CTIF: variants seen among roughly 807,000 people sequenced by gnomAD.
CTIF encodes cap binding complex dependent translation initiation factor.
CTIF carries 21 observed loss-of-function variants against 66.0 expected under a neutral mutation model. The observed-to-expected ratio is 0.32, with a 90% CI of 0.23 to 0.46. The LOEUF (loss-of-function observed/expected upper bound fraction) is 0.46, where lower values mean the gene tolerates loss of function less well. Among genes scored for constraint, CTIF ranks in the 20% least tolerant of loss-of-function variants. The pLI is 1.00. For missense variants in CTIF, 739 were observed against 812.7 expected (o/e 0.91, Z 1.10); for synonymous variants, 345 against 326.4 (o/e 1.06, Z -0.62).
At chr18:48,689,130 C>G (rs2091888090) in intron 6 of CTIF, among the ~76,000 whole-genome samples, 3 of 152,252 alleles carry the variant, frequency 2.0e-5, no homozygotes, top group African/African-American at 7.2e-5. Context: ...GCCACAGCAT[C>G]TGGGCATCCC....
intron 6 of CTIF, among the ~76,000 whole-genome samples, chr18:48,682,739 A>G (rs1278116187): frequency 6.6e-6 from 1 of 152,216 alleles, no homozygotes; most frequent in African/African-American, 2.4e-5. Context: ...CAAGGACAAC[A>G]TGGTCCCCCA....
At chr18:48,566,043 G>A (rs1415219188) in intron 1 of CTIF, 1 of 152,166 alleles carries the variant, frequency 6.6e-6, no homozygotes, top group East Asian at 1.9e-4. Context: ...CAGGGATGCT[G>A]GCATACTCTG....
intron 1 of CTIF, among the ~76,000 whole-genome samples, chr18:48,590,205 A>G (rs886852348): frequency 2.6e-5 from 4 of 152,188 alleles, no homozygotes; most frequent in African/African-American, 9.7e-5. Context: ...GGGGCTCCAT[A>G]TTTAGTCTGG....
At chr18:48,644,838 T>C (rs2090996916) in intron 3 of CTIF, among the ~76,000 whole-genome samples, 1 of 152,336 alleles carries the variant, frequency 6.6e-6, no homozygotes, top group East Asian at 1.9e-4. Context: ...GCCGCCATGA[T>C]GTCGCGGAAG....
intron 7 of CTIF, among the ~76,000 whole-genome samples, chr18:48,737,706 T>A (rs1166802887): frequency 6.6e-6 from 1 of 152,218 alleles, no homozygotes; most frequent in African/African-American, 2.4e-5. Flanking sequence ...TCCTGCTTAC[T>A]TATATTAACG....
chr18:48,704,821 G>C (rs9964435), intron 6 of CTIF, among the ~76,000 whole-genome samples: 15,043 of 152,222 alleles, frequency 0.099, 972 homozygotes, highest in Middle Eastern at 0.14. Context: ...AGACTTCAGC[G>C]TAAGAATTTG....
chr18:48,720,326 C>G (rs1339364901), intron 7 of CTIF, among the ~76,000 whole-genome samples: 1 of 152,152 alleles, frequency 6.6e-6, no homozygotes, highest in Non-Finnish European at 1.5e-5. Context: ...TTTGACTGAG[C>G]CTATCACTGC....
chr18:48,633,780 G>A lies in CTIF; in HGVS notation c.181-2834G>A, dbSNP rs79912373. 3.7e-3 allele frequency among the ~76,000 whole-genome samples: 560 copies of A among 152,044 alleles called. 1 individual carries two copies. Among genetic ancestry groups the A allele is most frequent in the African/African-American group, 0.013 (532 of 41,462 alleles). On this transcript the variant is annotated intron_variant, in intron 2 of 11. Transcript: ENST00000256413. ...ATAGTTATGTATGCATGTATTTTAC[G>A]TATGTATGAATACATACATATTAGT...
At chr18:48,754,001 C>T (rs565025367) in intron 7 of CTIF, among the ~76,000 whole-genome samples, 49 of 152,340 alleles carry the variant, frequency 3.2e-4, no homozygotes, top group African/African-American at 1.1e-3. Flanking sequence ...GCCCAGCCAA[C>T]GACCGCTGAC....
intron 9 of CTIF, among the ~76,000 whole-genome samples, chr18:48,767,620 A>G (rs1909701666): frequency 6.6e-6 from 1 of 152,150 alleles, no homozygotes; most frequent in Non-Finnish European, 1.5e-5. Context: ...TTTTTTGAAA[A>G]AAAAAAGTTT....
chr18:48,715,036 C>A (rs1020386128), intron 7 of CTIF, among the ~76,000 whole-genome samples: 2 of 152,162 alleles, frequency 1.3e-5, no homozygotes, highest in African/African-American at 4.8e-5. Context: ...GGCAGCAAAC[C>A]CGGAAAGCCT....
rs555317768 is a variant in CTIF at position 48,828,879 on chromosome 18, G to A, written c.1527+11503G>A. Among the ~76,000 whole-genome samples, 30 of 152,342 alleles carry A rather than the reference G, an allele frequency of 2.0e-4. 1 individual carries two copies. Among genetic ancestry groups the A allele is most frequent in the Middle Eastern group, 3.4e-3 (1 of 294 alleles). The stretch of plus-strand genomic sequence containing the variant: ...CTTCCCAGCCCCCAGCCCCGCCTTC[G>A]CAGCCCTGGACGGCTTGCCCTCCCA... On this transcript the variant is annotated intron_variant, in intron 10 of 11. Transcript: ENST00000256413.
intron 6 of CTIF, among the ~76,000 whole-genome samples, chr18:48,701,294 AG>A (rs2092080926): frequency 6.6e-6 from 1 of 152,124 alleles, no homozygotes; most frequent in African/African-American, 2.4e-5. Flanking sequence ...TTTTCAGTTC[AG>A]AAGTGTGTCC....
intron 1 of CTIF, among the ~76,000 whole-genome samples, chr18:48,602,062 A>G (rs1217989656): frequency 6.6e-6 from 1 of 152,252 alleles, no homozygotes; most frequent in East Asian, 1.9e-4. Flanking sequence ...CTGTTGCCAG[A>G]TGACAGGCAG....
chr18:48,665,623 G>A (rs1365680334), intron 5 of CTIF, among the ~76,000 whole-genome samples: 1 of 151,982 alleles, frequency 6.6e-6, no homozygotes, highest in Non-Finnish European at 1.5e-5. Flanking sequence ...TACCCACTAG[G>A]CAATCATTCC....
intron 9 of CTIF, among the ~76,000 whole-genome samples, chr18:48,793,476 T>C (rs756914945): frequency 1.3e-5 from 2 of 152,254 alleles, no homozygotes; most frequent in Non-Finnish European, 2.9e-5. Context: ...GCTTCTGTAA[T>C]GTGGTGCCAG....
intron 1 of CTIF, among the ~76,000 whole-genome samples, chr18:48,572,991 T>G (rs966621211): frequency 2.6e-5 from 4 of 151,682 alleles, no homozygotes; most frequent in Non-Finnish European, 5.9e-5. Flanking sequence ...AGACCCTGTC[T>G]TAAAAAAACA....
intron 7 of CTIF, chr18:48,756,339 T>C (rs927764431): frequency 2.0e-5 from 3 of 152,158 alleles, no homozygotes; most frequent in East Asian, 1.9e-4. Context: ...AAAAATTTTA[T>C]TCATTTTAGT....
intron 10 of CTIF, among the ~76,000 whole-genome samples, chr18:48,843,448 A>G (rs1267088583): frequency 6.6e-6 from 1 of 151,972 alleles, no homozygotes; most frequent in Non-Finnish European, 1.5e-5. Flanking sequence ...ATCTCCTGTG[A>G]TGATAACCAC....
Sources: allele counts gnomAD v4.1 joint callset (sites outside exome capture counted in the v4.1 genomes callset), GRCh38; gene constraint gnomAD v4.1.1; transcripts MANE v1.5; gene names NCBI Gene and HGNC (gene_info 2026-07-23, HGNC 2026-07-21).